Variants in GRM7 observed in about 807,000 individuals in gnomAD.
The protein encoded by GRM7 is metabotropic glutamate receptor 7.
GRM7 carries 35 observed loss-of-function variants against 84.5 expected under a neutral mutation model. The observed-to-expected ratio is 0.41, with a 90% confidence interval of 0.32 to 0.55. The LOEUF is 0.55. Ranked by LOEUF, GRM7 falls within the 20% of genes least tolerant of loss-of-function variation. The pLI is 0.19. For missense variants in GRM7, 1,003 were observed against 1,194.6 expected (o/e 0.84, Z 2.36); for synonymous variants, 487 against 455.1 (o/e 1.07, Z -0.89).
At position 7,123,333 on chromosome 3, in the gene GRM7, G is replaced by A. The variant is rs183658323; in HGVS notation, c.520-23119G>A. Among the ~76,000 whole-genome samples, 685 of 152,180 alleles carry A rather than the reference G, an allele frequency of 4.5e-3. 7 individuals carry two copies. The highest frequency in any genetic ancestry group is 0.016 in the African/African-American group (653 of 41,566). Reference sequence around the variant, plus strand: ...GCTTCTGTGCACTCTTTTTAAGAAAGTGGGGCCAGGCATGGTGGCTCACGC... The same window carrying A: ...GCTTCTGTGCACTCTTTTTAAGAAAATGGGGCCAGGCATGGTGGCTCACGC... On this transcript the variant is annotated intron_variant, in intron 1 of 9. Transcript: ENST00000357716.
intron 2 of GRM7, among the ~76,000 whole-genome samples, chr3:7,198,886 G>T (rs1370545101): frequency 6.6e-6 from 1 of 152,158 alleles, no homozygotes; most frequent in African/African-American, 2.4e-5. Flanking sequence ...CAAAAGGGTG[G>T]TGAGGTTGAA....
intron 2 of GRM7, among the ~76,000 whole-genome samples, chr3:7,153,460 A>G (rs1474254109): frequency 6.6e-6 from 1 of 152,112 alleles, no homozygotes; most frequent in East Asian, 1.9e-4. Context: ...ACAGTATGCT[A>G]CATTTGACTT....
chr3:7,633,558 TAGG>T (rs1346954895), intron 8 of GRM7, among the ~76,000 whole-genome samples: 1 of 152,072 alleles, frequency 6.6e-6, no homozygotes, highest in African/African-American at 2.4e-5. Context: ...CAGGGGTATT[TAGG>T]AGGAGGGAGG....
Position 7,422,238 on chromosome 3 carries a change from C to G in GRM7, c.1174+7075C>G, listed in dbSNP as rs149337486. On this transcript the variant is annotated intron_variant, in intron 5 of 9. Transcript: ENST00000357716. ...TCAGGCTGTTTCTGACACAACTACT[C>G]TGTTCCCATAACACAAGGCAACCAC... Among the ~76,000 whole-genome samples the G allele has an allele frequency of 3.8e-3, 580 of 152,294 alleles. 3 individuals are homozygous for G. The highest frequency in any genetic ancestry group is 0.02 in the East Asian group (103 of 5,178).
At chr3:7,522,576 T>C (rs1700637549) in intron 7 of GRM7, among the ~76,000 whole-genome samples, 1 of 152,160 alleles carries the variant, frequency 6.6e-6, no homozygotes, top group Non-Finnish European at 1.5e-5. Flanking sequence ...GAAAATTTCT[T>C]TCCATACATT....
chr3:7,362,787 A>T (rs1333367028), intron 4 of GRM7, among the ~76,000 whole-genome samples: 1 of 152,096 alleles, frequency 6.6e-6, no homozygotes, highest in Non-Finnish European at 1.5e-5. Context: ...CTGATACTTG[A>T]GTAATATTAT....
At chr3:7,050,221 G>T (rs1696943646) in intron 1 of GRM7, among the ~76,000 whole-genome samples, 1 of 151,888 alleles carries the variant, frequency 6.6e-6, no homozygotes, top group Admixed American at 6.6e-5. Context: ...GTGATCTCAT[G>T]AACTTTTGTA....
chr3:7,626,583 G>A (rs1177655307), intron 8 of GRM7, among the ~76,000 whole-genome samples: 1 of 152,196 alleles, frequency 6.6e-6, no homozygotes, highest in Non-Finnish European at 1.5e-5. Flanking sequence ...CCAAGCTGCA[G>A]ACAGCAATGC....
At chr3:7,673,473 A>G (rs1409740753) in intron 8 of GRM7, among the ~76,000 whole-genome samples, 3 of 151,540 alleles carry the variant, frequency 2.0e-5, no homozygotes, top group Non-Finnish European at 4.4e-5. Context: ...CTTACAGGAA[A>G]CCGGGTTAGA....
chr3:7,403,556 G>C (rs1695541818), intron 4 of GRM7, among the ~76,000 whole-genome samples: 1 of 147,244 alleles, frequency 6.8e-6, no homozygotes, highest in Non-Finnish European at 1.5e-5. Flanking sequence ...GTCAACTATG[G>C]CAAATGTACG....
chr3:7,047,804 A>G (rs755849089), intron 1 of GRM7, among the ~76,000 whole-genome samples: 6 of 152,090 alleles, frequency 3.9e-5, no homozygotes, highest in Non-Finnish European at 5.9e-5. Context: ...CTAAAGCTTG[A>G]GTAATCTTTC....
chr3:7,369,342 G>C (rs1301299309), intron 4 of GRM7, among the ~76,000 whole-genome samples: 1 of 152,094 alleles, frequency 6.6e-6, no homozygotes, highest in Non-Finnish European at 1.5e-5. Context: ...TCCATATCTA[G>C]GCAGGTCTCA....
intron 5 of GRM7, among the ~76,000 whole-genome samples, chr3:7,448,698 T>C (rs1275264192): frequency 6.6e-6 from 1 of 152,132 alleles, no homozygotes; most frequent in African/African-American, 2.4e-5. Flanking sequence ...CAAAGACAAA[T>C]TTAATACGTA....
At chr3:7,452,579 T>G in intron 5 of GRM7, 28 bp from the exon 6 acceptor site, 1 of 1,339,302 alleles carries the variant, frequency 7.5e-7, no homozygotes, top group Non-Finnish European at 1.1e-6. Context: ...TGTGTGTGTG[T>G]GTGTGTGTTT....
intron 1 of GRM7, among the ~76,000 whole-genome samples, chr3:6,915,664 A>G (rs1440336197): frequency 6.6e-6 from 1 of 152,156 alleles, no homozygotes; most frequent in Non-Finnish European, 1.5e-5. Context: ...GACTTTCACT[A>G]TTCATCAAGG....
chr3:7,518,155 G>T (rs531909639), intron 7 of GRM7, among the ~76,000 whole-genome samples: 1 of 152,300 alleles, frequency 6.6e-6, no homozygotes, highest in South Asian at 2.1e-4. Flanking sequence ...GTTCCCAAAA[G>T]AGCACAAGCC....
At chr3:7,149,351 G>T (rs990259561) in intron 2 of GRM7, among the ~76,000 whole-genome samples, 1 of 152,102 alleles carries the variant, frequency 6.6e-6, no homozygotes, top group Admixed American at 6.6e-5. Flanking sequence ...GGTATTTAAA[G>T]ACACACATCC....
intron 1 of GRM7, among the ~76,000 whole-genome samples, chr3:7,062,752 C>T (rs1224206747): frequency 6.6e-6 from 1 of 151,746 alleles, no homozygotes; most frequent in Admixed American, 6.6e-5. Context: ...CCCATATCAA[C>T]ATTAGATGGT....
chr3:6,956,764 G>C (rs976454128), intron 1 of GRM7: 2 of 393,396 alleles, frequency 5.1e-6, no homozygotes, highest in Admixed American at 5.9e-5. Context: ...TATCTTTAGA[G>C]TGTTACTATG....
Sources: gnomAD v4.1 joint callset for allele counts (sites outside exome capture counted in the v4.1 genomes callset) on GRCh38, gnomAD v4.1.1 for gene constraint, MANE v1.5 for transcripts, NCBI Gene and HGNC (gene_info 2026-07-23, HGNC 2026-07-21) for gene names.